Variants in TSPAN9 observed in about 807,000 individuals in gnomAD.
TSPAN9 encodes tetraspanin 9, also known as tetraspanin-9.
Under a neutral mutation model 31.0 loss-of-function variants are expected in TSPAN9, and 16 were observed. The ratio of observed to expected loss-of-function variants is 0.52; its 90% CI spans 0.35 to 0.78. TSPAN9 has a LOEUF of 0.78. TSPAN9 is among the 30% of genes least tolerant of loss of function. TSPAN9 has a pLI of 0.01. For synonymous variants in TSPAN9, 145 were observed against 121.6 expected, an observed-to-expected ratio of 1.19 and a Z score of -1.27; for missense variants, 272 against 312.5, an observed-to-expected ratio of 0.87 and a Z score of 0.98.
chr12:3,261,660 G>T (rs373590517), intron 3 of TSPAN9, among the ~76,000 whole-genome samples: 15 of 152,348 alleles, frequency 9.8e-5, no homozygotes, highest in African/African-American at 3.1e-4. Context: ...AGTGCAAGCA[G>T]GGAGTTTCGG....
At chr12:3,263,837 C>T (rs1395048595) in intron 3 of TSPAN9, among the ~76,000 whole-genome samples, 1 of 152,132 alleles carries the variant, frequency 6.6e-6, no homozygotes, top group Non-Finnish European at 1.5e-5. Context: ...GGTGGGGCTT[C>T]AGCTGGGCCT....
chr12:3,153,382 A>T (rs558812036), intron 2 of TSPAN9, among the ~76,000 whole-genome samples: 1 of 152,318 alleles, frequency 6.6e-6, no homozygotes, highest in East Asian at 1.9e-4. Flanking sequence ...TGATGCCTTC[A>T]GTCTGTATTT....
intron 2 of TSPAN9, among the ~76,000 whole-genome samples, chr12:3,131,303 G>A (rs1056633709): frequency 1.3e-5 from 2 of 152,122 alleles, no homozygotes; most frequent in Non-Finnish European, 2.9e-5. Flanking sequence ...GCAAGCAAGC[G>A]ACAGTGGGAC....
intron 3 of TSPAN9, among the ~76,000 whole-genome samples, chr12:3,236,545 A>G (rs900320789): frequency 6.6e-6 from 1 of 152,142 alleles, no homozygotes; most frequent in African/African-American, 2.4e-5. Flanking sequence ...CCAGTAGATA[A>G]GATGATATGT....
chr12:3,132,818 G>A (rs1294003131), intron 2 of TSPAN9, among the ~76,000 whole-genome samples: 1 of 152,072 alleles, frequency 6.6e-6, no homozygotes, highest in Non-Finnish European at 1.5e-5. Flanking sequence ...TAGTGGACCG[G>A]TGGCTCTCAG....
At chr12:3,160,024 T>G (rs2098344196) in intron 2 of TSPAN9, among the ~76,000 whole-genome samples, 2 of 152,230 alleles carry the variant, frequency 1.3e-5, no homozygotes, top group Admixed American at 6.5e-5. Flanking sequence ...AATTTATATT[T>G]TGAACATGTT....
At chr12:3,100,786 C>G (rs569161935) in intron 2 of TSPAN9, among the ~76,000 whole-genome samples, 2 of 152,334 alleles carry the variant, frequency 1.3e-5, no homozygotes, top group South Asian at 4.1e-4. Flanking sequence ...CTTAATTTAT[C>G]TAGCTTTGTT....
intron 2 of TSPAN9, among the ~76,000 whole-genome samples, chr12:3,140,318 T>C (rs1384313877): frequency 6.6e-6 from 1 of 152,182 alleles, no homozygotes; most frequent in Non-Finnish European, 1.5e-5. Flanking sequence ...TAGGGATTTT[T>C]AGTCGACACT....
At chr12:3,282,959 C>A in intron 8 of TSPAN9, 86 bp from the exon 9 acceptor site, 1 of 1,378,786 alleles carries the variant, frequency 7.3e-7, no homozygotes, top group Non-Finnish European at 1.0e-6. Context: ...GCTCTAGGTG[C>A]CCTGTGACAT....
At chr12:3,099,930 C>T (rs1428582950) in intron 2 of TSPAN9, among the ~76,000 whole-genome samples, 2 of 151,652 alleles carry the variant, frequency 1.3e-5, no homozygotes, top group East Asian at 3.9e-4. Context: ...CAAGCTCTGC[C>T]TCCCGGGTTC....
At chr12:3,224,538 G>A (rs1037868777) in intron 3 of TSPAN9, among the ~76,000 whole-genome samples, 5 of 152,224 alleles carry the variant, frequency 3.3e-5, no homozygotes, top group African/African-American at 4.8e-5. Context: ...CCTGGCTCCC[G>A]TTCAGGGTTG....
At chr12:3,248,229 C>G (rs1276791423) in intron 3 of TSPAN9, among the ~76,000 whole-genome samples, 2 of 152,246 alleles carry the variant, frequency 1.3e-5, no homozygotes, top group Middle Eastern at 3.4e-3. Flanking sequence ...TGTGGCCCCC[C>G]TAGGCACACT....
intron 3 of TSPAN9, among the ~76,000 whole-genome samples, chr12:3,236,246 G>A (rs1483367266): frequency 3.9e-5 from 6 of 152,234 alleles, no homozygotes; most frequent in Non-Finnish European, 8.8e-5. Flanking sequence ...CACTGGTGGA[G>A]AGAAGACAAT....
chr12:3,216,142 AC>A (rs1018690665), intron 3 of TSPAN9, among the ~76,000 whole-genome samples: 2 of 150,376 alleles, frequency 1.3e-5, no homozygotes, highest in African/African-American at 4.9e-5. Context: ...TCCCCACCCC[AC>A]CCCCACCCCA....
At chr12:3,271,932 T>A (rs1209413245) in intron 3 of TSPAN9, among the ~76,000 whole-genome samples, 1 of 152,252 alleles carries the variant, frequency 6.6e-6, no homozygotes, top group Non-Finnish European at 1.5e-5. Context: ...GGCAGGTTCA[T>A]TACTAGCCAG....
intron 2 of TSPAN9, among the ~76,000 whole-genome samples, chr12:3,130,754 A>G (rs968088017): frequency 1.3e-5 from 2 of 152,190 alleles, no homozygotes; most frequent in East Asian, 1.9e-4. Context: ...TCTGGCACAC[A>G]CGGCCGTGCT....
intron 2 of TSPAN9, among the ~76,000 whole-genome samples, chr12:3,115,622 T>G (rs951202886): frequency 2.0e-5 from 3 of 152,152 alleles, no homozygotes; most frequent in African/African-American, 7.2e-5. Context: ...GGTTCTAAAC[T>G]TATATCCTTA....
chr12:3,084,466 G>A (rs1484324059), intron 2 of TSPAN9, among the ~76,000 whole-genome samples: 1 of 151,626 alleles, frequency 6.6e-6, no homozygotes, highest in African/African-American at 2.4e-5. Flanking sequence ...AGGGAGAGGG[G>A]GTGGAATGGT....
chr12:3,188,809 G>C (rs1021854696), intron 2 of TSPAN9, among the ~76,000 whole-genome samples: 4 of 152,166 alleles, frequency 2.6e-5, no homozygotes, highest in Admixed American at 6.5e-5. Context: ...TCATGGTGGT[G>C]ATCTATCAAG....
Sources: gnomAD v4.1 joint callset for allele counts (sites outside exome capture counted in the v4.1 genomes callset) on GRCh38, gnomAD v4.1.1 for gene constraint, MANE v1.5 for transcripts, NCBI Gene and HGNC (gene_info 2026-07-23, HGNC 2026-07-21) for gene names.